CNTNAP5: variants seen among roughly 807,000 people sequenced by gnomAD.
CNTNAP5 encodes the protein contactin associated protein family member 5, also known as contactin-associated protein-like 5.
Under a neutral mutation model 150.2 loss-of-function variants are expected in CNTNAP5, and 72 were observed. The observed-to-expected ratio is 0.48, with a 90% CI of 0.40 to 0.58. The LOEUF (loss-of-function observed/expected upper bound fraction) is 0.58, where lower values mean the gene tolerates loss of function less well. CNTNAP5 is among the 20% of genes least tolerant of loss of function. CNTNAP5 has a pLI of 0.00. For synonymous variants in CNTNAP5, 672 were observed against 619.8 expected, an observed-to-expected ratio of 1.08 and a Z score of -1.25; for missense variants, 1,636 against 1,626.2, an observed-to-expected ratio of 1.01 and a Z score of -0.10.
In CNTNAP5 at chr2:124,469,735, C is replaced by A. The variant is rs184362013; in HGVS notation, c.919-5004C>A. Among the ~76,000 whole-genome samples, 9 of 152,246 alleles carry A rather than the reference C, an allele frequency of 5.9e-5. No individual in the cohort carries two copies. In the East Asian group the frequency reaches 1.2e-3, roughly 20 times the overall value. ...TTCCTGATGCTCTCCCTCCTCCCAACCTTCCACAGGCCCCACTGTGAGTGG... is the reference window on the plus strand; with the variant it reads ...TTCCTGATGCTCTCCCTCCTCCCAAACTTCCACAGGCCCCACTGTGAGTGG... On this transcript the variant is annotated intron_variant, in intron 6 of 23. Transcript: ENST00000682447.
chr2:124,049,574 A>G (rs1232618601), intron 1 of CNTNAP5, among the ~76,000 whole-genome samples: 1 of 152,186 alleles, frequency 6.6e-6, no homozygotes, highest in Non-Finnish European at 1.5e-5. Flanking sequence ...TTAAGGGTCA[A>G]TGCATCTGAA....
intron 3 of CNTNAP5, among the ~76,000 whole-genome samples, chr2:124,329,558 T>C (rs1429645622): frequency 6.6e-6 from 1 of 152,146 alleles, no homozygotes; most frequent in Admixed American, 6.6e-5. Flanking sequence ...TATTGTGCTC[T>C]GAGCCCTAAC....
At chr2:124,339,633 G>C (rs1689561049) in intron 3 of CNTNAP5, among the ~76,000 whole-genome samples, 1 of 152,126 alleles carries the variant, frequency 6.6e-6, no homozygotes, top group Non-Finnish European at 1.5e-5. Flanking sequence ...GGTTTTTCGT[G>C]CTCACTGTAC....
At chr2:124,089,162 T>G (rs768287424) in intron 1 of CNTNAP5, among the ~76,000 whole-genome samples, 1 of 152,144 alleles carries the variant, frequency 6.6e-6, no homozygotes, top group African/African-American at 2.4e-5. Flanking sequence ...CAATTTTCAG[T>G]CTTCATATGC....
chr2:124,665,152 T>C (rs972607801), intron 13 of CNTNAP5, among the ~76,000 whole-genome samples: 1 of 152,228 alleles, frequency 6.6e-6, no homozygotes, highest in Non-Finnish European at 1.5e-5. Context: ...AATAGAAGAA[T>C]TGAAATCAAA....
intron 3 of CNTNAP5, among the ~76,000 whole-genome samples, chr2:124,393,383 T>A (rs2104750758): frequency 6.6e-6 from 1 of 152,262 alleles, no homozygotes; most frequent in South Asian, 2.1e-4. Flanking sequence ...CTTTTTGCAG[T>A]ATCAGAATAG....
At chr2:124,092,570 G>C (rs1682840225) in intron 1 of CNTNAP5, among the ~76,000 whole-genome samples, 1 of 152,208 alleles carries the variant, frequency 6.6e-6, no homozygotes, top group Non-Finnish European at 1.5e-5. Flanking sequence ...GTGTCACCAA[G>C]TCTAGAGAGT....
At chr2:124,809,966 T>C (rs314712) in intron 19 of CNTNAP5, among the ~76,000 whole-genome samples, 109,083 of 152,078 alleles carry the variant, frequency 0.72, 40,178 homozygotes, top group East Asian at 0.85. Context: ...GTCAGACAGA[T>C]ATGGAACTTC....
chr2:124,284,471 G>A (rs1022616517), intron 3 of CNTNAP5, among the ~76,000 whole-genome samples: 1 of 152,072 alleles, frequency 6.6e-6, no homozygotes, highest in African/African-American at 2.4e-5. Context: ...GAGGATGGGG[G>A]AAGGGAGAGC....
At chr2:124,562,988 A>G (rs775447374) in intron 10 of CNTNAP5, among the ~76,000 whole-genome samples, 1 of 152,252 alleles carries the variant, frequency 6.6e-6, no homozygotes, top group African/African-American at 2.4e-5. Context: ...AAGTACTTAC[A>G]TCAGCTTTGC....
intron 6 of CNTNAP5, among the ~76,000 whole-genome samples, chr2:124,454,732 A>G (rs1693074367): frequency 6.6e-6 from 1 of 152,170 alleles, no homozygotes; most frequent in African/African-American, 2.4e-5. Flanking sequence ...AATCAACTCC[A>G]AAAGGAACAT....
chr2:124,480,122 T>C (rs1693731938), intron 7 of CNTNAP5, among the ~76,000 whole-genome samples: 1 of 152,222 alleles, frequency 6.6e-6, no homozygotes, highest in South Asian at 2.1e-4. Flanking sequence ...TAGCTCCTGT[T>C]CTTTCCTGAA....
At chr2:124,095,782 T>G (rs1465837209) in intron 1 of CNTNAP5, among the ~76,000 whole-genome samples, 1 of 152,178 alleles carries the variant, frequency 6.6e-6, no homozygotes, top group African/African-American at 2.4e-5. Context: ...TTTTCTTCTA[T>G]TCTGAATTTT....
chr2:124,039,711 C>T (rs777751064), intron 1 of CNTNAP5, among the ~76,000 whole-genome samples: 24 of 152,200 alleles, frequency 1.6e-4, no homozygotes, highest in Middle Eastern at 3.4e-3. Context: ...GTCTACACTG[C>T]GCTCTCTCCT....
intron 1 of CNTNAP5, among the ~76,000 whole-genome samples, chr2:124,036,644 A>G (rs1420888598): frequency 6.6e-6 from 1 of 152,126 alleles, no homozygotes; most frequent in African/African-American, 2.4e-5. Flanking sequence ...ATGCTGGAAC[A>G]CTGGAGATTA....
intron 19 of CNTNAP5, among the ~76,000 whole-genome samples, chr2:124,835,948 C>T (rs1682820202): frequency 1.3e-5 from 2 of 152,110 alleles, no homozygotes; most frequent in African/African-American, 4.8e-5. Context: ...CCCTGGCAAA[C>T]ATATTGCCTG....
chr2:124,855,389 G>C lies in CNTNAP5; in HGVS notation c.3218-9917G>C, dbSNP rs188695785. ...GGCAGGGTTTCGCCATGTTGGTCAG[G>C]CTCGAACTCCTGACCTCAAGTGATC... On this transcript the variant is annotated intron_variant, in intron 19 of 23. Transcript: ENST00000682447. Among the ~76,000 whole-genome samples, 244 of 152,036 alleles carry C rather than the reference G, an allele frequency of 1.6e-3. 2 individuals carry two copies. The highest frequency in any genetic ancestry group is 7.8e-4 in the East Asian group (4 of 5,136).
intron 3 of CNTNAP5, among the ~76,000 whole-genome samples, chr2:124,408,155 C>T (rs1383920558): frequency 8.5e-5 from 13 of 152,160 alleles, no homozygotes; most frequent in East Asian, 1.9e-4. Context: ...CACTCCCACC[C>T]GAATACTGCG....
chr2:124,388,995 C>T (rs75583005), intron 3 of CNTNAP5, among the ~76,000 whole-genome samples: 56 of 152,238 alleles, frequency 3.7e-4, no homozygotes, highest in Non-Finnish European at 6.6e-4. Context: ...TGAACCAAAG[C>T]GGCTGAACGA....
Sources: gnomAD v4.1 joint callset for allele counts (sites outside exome capture counted in the v4.1 genomes callset) on GRCh38, gnomAD v4.1.1 for gene constraint, MANE v1.5 for transcripts, NCBI Gene and HGNC (gene_info 2026-07-23, HGNC 2026-07-21) for gene names.